The following DLGAP1 variants were observed in gnomAD, a reference collection of about 807,000 sequenced individuals.
DLGAP1 encodes disks large-associated protein 1.
In DLGAP1, 11 loss-of-function variants were observed where a neutral mutation model predicts 90.8. That is an observed-to-expected ratio of 0.12 (90% CI 0.08 to 0.20). DLGAP1 has a LOEUF of 0.20. Among genes scored for constraint, DLGAP1 ranks in the 10% least tolerant of loss-of-function variants. The pLI is 1.00. For synonymous variants in DLGAP1, 558 were observed against 540.7 expected (o/e 1.03, Z -0.44); for missense variants, 1,050 against 1,333.8 (o/e 0.79, Z 3.31).
At chr18:3,837,833 C>A (rs1355428095) in intron 4 of DLGAP1, among the ~76,000 whole-genome samples, 2 of 104,138 alleles carry the variant, frequency 1.9e-5, no homozygotes, top group African/African-American at 7.6e-5. Context: ...GCCTGGGCGA[C>A]AGAGTGAGAT....
At chr18:3,782,178 C>T (rs377295063) in intron 5 of DLGAP1, among the ~76,000 whole-genome samples, 2 of 149,450 alleles carry the variant, frequency 1.3e-5, no homozygotes, top group African/African-American at 4.9e-5. Flanking sequence ...GTTCTGTTGT[C>T]CAGGCTGGAG....
intron 1 of DLGAP1, among the ~76,000 whole-genome samples, chr18:4,219,027 GTTTT>G (rs34333673): frequency 5.7e-3 from 525 of 92,012 alleles, no homozygotes; most frequent in Middle Eastern, 0.023. Context: ...TTCTATCTTT[GTTTT>G]TTTTTTTTTT....
At chr18:3,609,024 C>T (rs372038050) in intron 7 of DLGAP1, among the ~76,000 whole-genome samples, 3 of 151,932 alleles carry the variant, frequency 2.0e-5, no homozygotes, top group African/African-American at 7.3e-5. Context: ...TTAGTAGAGA[C>T]AGGGTTTCAC....
At chr18:3,573,363 G>A (rs1285772805) in intron 8 of DLGAP1, among the ~76,000 whole-genome samples, 3 of 152,038 alleles carry the variant, frequency 2.0e-5, no homozygotes, top group African/African-American at 4.8e-5. Context: ...TTAGCCGGGC[G>A]TGGTAGCGCG....
chr18:4,141,272 A>T (rs1322129075), intron 2 of DLGAP1, among the ~76,000 whole-genome samples: 1 of 151,954 alleles, frequency 6.6e-6, no homozygotes, highest in African/African-American at 2.4e-5. Context: ...ATTAGGTGAA[A>T]ATAAGGTTAC....
chr18:4,187,900 G>T lies in DLGAP1; in HGVS notation c.-266-36613C>A, dbSNP rs1424931990. Among the ~76,000 whole-genome samples, 6 of 151,806 alleles carry T rather than the reference G, an allele frequency of 4.0e-5. No individual in the cohort carries two copies. The East Asian group carries it at 1.2e-3, about 29-fold the overall frequency. Reference sequence around the variant, plus strand: ...TAATCCCAGCTATTTGGAAGTCTGAGGCACGAGAATTACTTGAACCCTGGG... The same window carrying T: ...TAATCCCAGCTATTTGGAAGTCTGATGCACGAGAATTACTTGAACCCTGGG... On this transcript the variant is annotated intron_variant, in intron 1 of 12. Transcript: ENST00000315677.
intron 2 of DLGAP1, among the ~76,000 whole-genome samples, chr18:4,012,006 A>G (rs1302568104): frequency 6.6e-6 from 1 of 152,034 alleles, no homozygotes; most frequent in Non-Finnish European, 1.5e-5. Context: ...CCCACACCCA[A>G]CAGAACAGTT....
chr18:4,038,832 C>T (rs1457704027), intron 2 of DLGAP1, among the ~76,000 whole-genome samples: 10 of 152,088 alleles, frequency 6.6e-5, no homozygotes, highest in African/African-American at 2.2e-4. Flanking sequence ...TGGCTGTATG[C>T]GTTTCCTCTG....
At chr18:3,641,610 C>CACAG (rs1567883968) in intron 7 of DLGAP1, among the ~76,000 whole-genome samples, 1 of 150,504 alleles carries the variant, frequency 6.6e-6, no homozygotes, top group Non-Finnish European at 1.5e-5. Context: ...CACACACACA[C>CACAG]ACAGACACAC....
chr18:3,622,711 C>G (rs954041618), intron 7 of DLGAP1, among the ~76,000 whole-genome samples: 1 of 152,190 alleles, frequency 6.6e-6, no homozygotes, highest in South Asian at 2.1e-4. Context: ...ACTTGGCTAG[C>G]GGAAAGATAA....
chr18:3,541,657 C>A (rs1329499484), intron 9 of DLGAP1, among the ~76,000 whole-genome samples: 1 of 152,144 alleles, frequency 6.6e-6, no homozygotes, highest in Non-Finnish European at 1.5e-5. Context: ...TTTTAATATC[C>A]TGCTTAGTTG....
chr18:4,291,324 C>T lies in DLGAP1; in HGVS notation c.-266-140037G>A, dbSNP rs58710914. Among the ~76,000 whole-genome samples, 811 of 152,218 alleles carry T rather than the reference C, an allele frequency of 5.3e-3. 7 individuals carry two copies. The highest frequency in any genetic ancestry group is 0.019 in the African/African-American group (786 of 41,544). On this transcript the variant is annotated intron_variant, in intron 1 of 12. Transcript: ENST00000315677. ...TTGGTTTTGTCCAGAGAGGGGTAAC[C>T]CTGCGTCATCATGGCTCTTCCTGCT...
At chr18:3,914,068 G>T (rs1037660590) in intron 3 of DLGAP1, among the ~76,000 whole-genome samples, 15 of 152,114 alleles carry the variant, frequency 9.9e-5, no homozygotes, top group African/African-American at 3.4e-4. Flanking sequence ...TGGGTGGGGG[G>T]AATATTTAAT....
At chr18:4,116,509 C>T (rs1334504132) in intron 2 of DLGAP1, among the ~76,000 whole-genome samples, 3 of 152,068 alleles carry the variant, frequency 2.0e-5, no homozygotes, top group Non-Finnish European at 2.9e-5. Context: ...TGGTGTTCCA[C>T]TCTATTCTTT....
intron 7 of DLGAP1, among the ~76,000 whole-genome samples, chr18:3,664,218 C>CACACA (rs1555620386): frequency 1.0e-3 from 76 of 75,828 alleles, no homozygotes; most frequent in African/African-American, 3.8e-3. Flanking sequence ...ACACACACAC[C>CACACA]CACACACACA....
rs998986679 is a variant in DLGAP1 at position 4,362,454 on chromosome 18, T to G, written c.-267+92552A>C. 9.2e-5 allele frequency among the ~76,000 whole-genome samples: 14 copies of G among 152,288 alleles called. No homozygotes were observed. In the East Asian group the frequency reaches 2.5e-3, roughly 27 times the overall value. On this transcript the variant is annotated intron_variant, in intron 1 of 12. Coordinates refer to ENST00000315677, the MANE Select transcript of DLGAP1 (RefSeq NM_004746.4). ...TGAATGGACCTTGAGGATATTACACTAAGTGAAATAAGCCAGTCACAAACA... is the reference window on the plus strand; with the variant it reads ...TGAATGGACCTTGAGGATATTACACGAAGTGAAATAAGCCAGTCACAAACA...
At chr18:3,629,176 A>G (rs1043203688) in intron 7 of DLGAP1, among the ~76,000 whole-genome samples, 17 of 152,132 alleles carry the variant, frequency 1.1e-4, no homozygotes, top group Non-Finnish European at 1.8e-4. Context: ...TCACACCTAC[A>G]ATCCCAGCAC....
chr18:3,650,937 G>A (rs2059277716), intron 7 of DLGAP1, among the ~76,000 whole-genome samples: 1 of 151,574 alleles, frequency 6.6e-6, no homozygotes, highest in South Asian at 2.1e-4. Context: ...GTGGTCATGC[G>A]TGCCTGGAAT....
Position 3,814,149 on chromosome 18 carries a change from G to A in DLGAP1, c.1082C>T (p.Thr361Met). 13 of 1,614,070 alleles carry A rather than the reference G, an allele frequency of 8.1e-6. No homozygotes were observed. Among genetic ancestry groups the A allele is most frequent in the Admixed American group, 1.7e-5 (1 of 60,006 alleles). Reference sequence around the variant, plus strand: ...AACTTTTGGAGAAGGCTTAGGACTCGTGTCTGAGTCTCCACTGTCTTCATC... The same window carrying A: ...AACTTTTGGAGAAGGCTTAGGACTCATGTCTGAGTCTCCACTGTCTTCATC... ...MGDEDSGDSD[T>M]SPKPSPKVAA... is the part of the protein sequence containing the mutation. Residue 361 changes from threonine to methionine, a missense_variant, in exon 5 of 13, where the codon ACG becomes ATG. Physicochemically the swap from Thr to Met is moderately conservative, Grantham distance 81. This residue lies in a region of DLGAP1 where 565 missense variants were observed against 879.7 expected (regional missense o/e 0.64). Coordinates refer to ENST00000315677, the MANE Select transcript of DLGAP1 (RefSeq NM_004746.4).
Sources: gnomAD v4.1 joint callset for allele counts (sites outside exome capture counted in the v4.1 genomes callset) on GRCh38, gnomAD v4.1.1 for gene constraint, gnomAD v4.1.1 regional missense constraint, MANE v1.5 for transcripts, NCBI Gene and HGNC (gene_info 2026-07-23, HGNC 2026-07-21) for gene names.